Variants in ABCC4 observed in about 807,000 individuals in gnomAD.
ABCC4 encodes ATP binding cassette subfamily C member 4 (PEL blood group).
In ABCC4, 102 loss-of-function variants were observed where a neutral mutation model predicts 168.5. The observed-to-expected ratio is 0.61, with a 90% CI of 0.52 to 0.71. ABCC4 has a LOEUF of 0.71. ABCC4 is among the 30% of genes least tolerant of loss of function. ABCC4 has a pLI of 0.00. For synonymous variants in ABCC4, 617 were observed against 590.7 expected, an observed-to-expected ratio of 1.04 and a Z score of -0.65; for missense variants, 1,402 against 1,605.8, an observed-to-expected ratio of 0.87 and a Z score of 2.17.
intron 21 of ABCC4, among the ~76,000 whole-genome samples, chr13:95,080,259 C>T (rs903476965): frequency 3.3e-5 from 5 of 152,130 alleles, no homozygotes; most frequent in Non-Finnish European, 5.9e-5. Flanking sequence ...TCAGGCATTG[C>T]CAAATGAGTG....
intron 1 of ABCC4, among the ~76,000 whole-genome samples, chr13:95,275,874 A>C (rs900314159): frequency 2.0e-5 from 3 of 152,152 alleles, no homozygotes; most frequent in Non-Finnish European, 4.4e-5. Flanking sequence ...TAAATCATAC[A>C]CTTTTCTAAT....
intron 20 of ABCC4, among the ~76,000 whole-genome samples, chr13:95,107,847 G>C (rs989469654): frequency 3.9e-5 from 6 of 152,124 alleles, no homozygotes; most frequent in Non-Finnish European, 1.5e-5. Context: ...TCTGAGATGG[G>C]AGAATTGTTT....
intron 3 of ABCC4, among the ~76,000 whole-genome samples, chr13:95,238,569 T>C (rs2039843984): frequency 1.3e-5 from 2 of 152,210 alleles, no homozygotes; most frequent in Admixed American, 1.3e-4. Flanking sequence ...TGAAGAGCTT[T>C]TTTGAGATGG....
intron 20 of ABCC4, among the ~76,000 whole-genome samples, chr13:95,102,721 G>A (rs867880690): frequency 1.3e-5 from 2 of 151,044 alleles, no homozygotes; most frequent in South Asian, 4.2e-4. Flanking sequence ...CTGGATTCAA[G>A]CAATTCTCCC....
At chr13:95,233,133 T>TA (rs1319057904) in intron 4 of ABCC4, among the ~76,000 whole-genome samples, 1 of 152,174 alleles carries the variant, frequency 6.6e-6, no homozygotes, top group Non-Finnish European at 1.5e-5. Flanking sequence ...ATATTTACAT[T>TA]ATACAATGTA....
At chr13:95,296,237 G>A (rs1031271740) in intron 1 of ABCC4, among the ~76,000 whole-genome samples, 2 of 151,016 alleles carry the variant, frequency 1.3e-5, no homozygotes, top group African/African-American at 2.4e-5. Flanking sequence ...TAATCCCAAC[G>A]CTTGGGAAAA....
At chr13:95,065,868 C>A (rs1399245781) in intron 25 of ABCC4, among the ~76,000 whole-genome samples, 1 of 152,192 alleles carries the variant, frequency 6.6e-6, no homozygotes, top group Non-Finnish European at 1.5e-5. Flanking sequence ...GAATCACTTG[C>A]CCCATCACAT....
At chr13:95,220,263 G>A (rs1053617608) in intron 4 of ABCC4, among the ~76,000 whole-genome samples, 1 of 152,122 alleles carries the variant, frequency 6.6e-6, no homozygotes, top group Non-Finnish European at 1.5e-5. Flanking sequence ...CCGTCTTTAA[G>A]ACTAAGAATA....
intron 29 of ABCC4, among the ~76,000 whole-genome samples, chr13:95,042,196 C>T (rs536556391): frequency 3.9e-5 from 6 of 152,268 alleles, no homozygotes; most frequent in East Asian, 1.9e-4. Flanking sequence ...TTACTTCTTC[C>T]GGGTCTTCCT....
chr13:95,273,822 T>G (rs1252299339), intron 1 of ABCC4, among the ~76,000 whole-genome samples: 1 of 150,016 alleles, frequency 6.7e-6, no homozygotes. Flanking sequence ...GTTTGTTTTT[T>G]TTTTTTTTTT....
intron 1 of ABCC4, among the ~76,000 whole-genome samples, chr13:95,259,129 G>A (rs150947029): frequency 5.3e-4 from 80 of 152,258 alleles, no homozygotes; most frequent in Admixed American, 1.8e-3. Flanking sequence ...GCTCACGCCT[G>A]TAATCCCGGC....
Position 95,273,476 on chromosome 13 carries a change from G to A in ABCC4, c.75-25723C>T, listed in dbSNP as rs1313327188. On this transcript the variant is annotated intron_variant, in intron 1 of 30. Transcript: ENST00000645237. ...ACTCAGGGTGTGCCACCAGTTCCCT[G>A]GAGGAGCAGATCATTGAAAATACAG... Among the ~76,000 whole-genome samples the A allele has an allele frequency of 3.9e-5, 6 of 152,280 alleles. No homozygotes were observed. The East Asian group carries it at 9.6e-4, about 24-fold the overall frequency.
At chr13:95,106,723 A>C (rs1251466110) in intron 20 of ABCC4, among the ~76,000 whole-genome samples, 1 of 151,932 alleles carries the variant, frequency 6.6e-6, no homozygotes, top group East Asian at 1.9e-4. Context: ...TAAAGGAGGG[A>C]GTACAGGAAA....
chr13:95,032,085 A>C (rs55845549), intron 30 of ABCC4, among the ~76,000 whole-genome samples: 15,317 of 152,216 alleles, frequency 0.1, 790 homozygotes, highest in Middle Eastern at 0.14. Context: ...CTAGAAGATA[A>C]AAGTATTCTG....
chr13:95,220,484 C>G (rs1043306799), intron 4 of ABCC4, among the ~76,000 whole-genome samples: 8 of 152,082 alleles, frequency 5.3e-5, no homozygotes, highest in Non-Finnish European at 1.2e-4. Context: ...CATTCATTCC[C>G]ATTTCAAGAT....
intron 26 of ABCC4, among the ~76,000 whole-genome samples, chr13:95,057,501 G>A (rs2033109296): frequency 6.6e-6 from 1 of 152,194 alleles, no homozygotes; most frequent in African/African-American, 2.4e-5. Flanking sequence ...GCCTCCCAAA[G>A]TGCTGGGATT....
At chr13:95,225,151 T>TCACACACA (rs749060333) in intron 4 of ABCC4, among the ~76,000 whole-genome samples, 2 of 30,598 alleles carry the variant, frequency 6.5e-5, no homozygotes, top group African/African-American at 1.9e-4. Flanking sequence ...TCTCTCTCTC[T>TCACACACA]CTCACACACA....
At position 95,239,108 on chromosome 13, in the gene ABCC4, A is replaced by T. The variant is rs1315097582; in HGVS notation, c.307-4274T>A. ...AGTTTATTTGACTGTAAAAAAAAAT[A>T]GTTTGAAAAGATAGTCCCTGCACAT... On this transcript the variant is annotated intron_variant, in intron 3 of 30. Transcript: ENST00000645237. 3.3e-5 allele frequency among the ~76,000 whole-genome samples: 5 copies of T among 151,600 alleles called. No homozygotes were observed. The East Asian group carries it at 9.7e-4, about 29-fold the overall frequency.
intron 1 of ABCC4, among the ~76,000 whole-genome samples, chr13:95,273,840 C>T (rs1385191233): frequency 1.8e-4 from 21 of 118,188 alleles, no homozygotes; most frequent in African/African-American, 6.4e-4. Context: ...TTTTTTGAGA[C>T]GGAGTCTTGC....
Sources: allele counts gnomAD v4.1 joint callset (sites outside exome capture counted in the v4.1 genomes callset), GRCh38; gene constraint gnomAD v4.1.1; transcripts MANE v1.5; gene names NCBI Gene and HGNC (gene_info 2026-07-23, HGNC 2026-07-21).